Variants in USP36 observed in about 807,000 individuals in gnomAD.
USP36 encodes the protein ubiquitin carboxyl-terminal hydrolase 36.
A neutral mutation model predicts 111.5 loss-of-function variants in USP36; 59 were observed. That is an observed-to-expected ratio of 0.53 (90% CI 0.43 to 0.66). The LOEUF (loss-of-function observed/expected upper bound fraction) is 0.66. USP36 is among the 30% of genes least tolerant of loss of function. The probability of loss-of-function intolerance (pLI) is 0.00; values close to 1 mark genes in which losing one functional copy is unlikely to be tolerated. For synonymous variants in USP36, 628 were observed against 581.0 expected (o/e 1.08, Z -1.16); for missense variants, 1,488 against 1,468.0 (o/e 1.01, Z -0.22).
chr17:78,788,109 G>A (rs754486964), intron 3 of USP36, among the ~76,000 whole-genome samples: 4 of 152,106 alleles, frequency 2.6e-5, no homozygotes, highest in East Asian at 1.9e-4. Flanking sequence ...CTCAGGAAGC[G>A]AGTACATGAA....
intron 15 of USP36, among the ~76,000 whole-genome samples, chr17:78,804,805 ATGTG>A (rs1471235998): frequency 6.6e-6 from 1 of 152,122 alleles, no homozygotes; most frequent in Non-Finnish European, 1.5e-5. Context: ...TTTAATACAA[ATGTG>A]TTAAGGGAGG....
chr17:78,841,401 C>T (rs1413937242), upstream of USP36: 8 of 152,326 alleles, frequency 5.3e-5, no homozygotes, highest in Non-Finnish European at 1.0e-4. Context: ...AGCGATCGGC[C>T]AAAGCCTGGG....
chr17:78,830,156 C>T (rs2067955570), intron 4 of USP36, among the ~76,000 whole-genome samples: 1 of 152,232 alleles, frequency 6.6e-6, no homozygotes, highest in African/African-American at 2.4e-5. Flanking sequence ...TCAAAGTCAC[C>T]ACTATCCTGA....
At chr17:78,793,423 C>T (rs1598953428), downstream of USP36, among the ~76,000 whole-genome samples, 1 of 152,154 alleles carries the variant, frequency 6.6e-6, no homozygotes, top group South Asian at 2.1e-4. Flanking sequence ...CCCTGAAAGC[C>T]GAATCCATGG....
chr17:78,818,875 G>T (rs374434340), intron 9 of USP36, 97 bp from the exon 10 acceptor site: 7 of 1,215,624 alleles, frequency 5.8e-6, no homozygotes, highest in Middle Eastern at 1.9e-4. Context: ...CAACTGCTCT[G>T]TAATAGTGGA....
intron 4 of USP36, among the ~76,000 whole-genome samples, chr17:78,831,054 G>C (rs974185619): frequency 6.6e-6 from 1 of 150,814 alleles, no homozygotes; most frequent in African/African-American, 2.4e-5. Flanking sequence ...GTGAAACCCC[G>C]TCTCTACTAC....
chr17:78,799,155 GAGA>G (rs1410504005), intron 18 of USP36, 132 bp from the exon 19 acceptor site: 4 of 887,204 alleles, frequency 4.5e-6, no homozygotes, highest in Non-Finnish European at 7.2e-6. Flanking sequence ...TTGTGGTGAA[GAGA>G]AGGACAAGAG....
chr17:78,818,801 G>T, intron 9 of USP36, 23 bp from the exon 10 acceptor site: 1 of 1,611,430 alleles, frequency 6.2e-7, no homozygotes, highest in South Asian at 1.1e-5. Flanking sequence ...TGATGAGAAA[G>T]ATTAATGAAT....
rs1295694826 is a variant in USP36, at chr17:78,796,565, G to T, written c.*1335C>A. The T allele has an allele frequency of 6.6e-6, 1 of 152,134 alleles. No homozygotes were observed. Among genetic ancestry groups the T allele is most frequent in the Non-Finnish European group, 1.5e-5 (1 of 68,020 alleles). The allele number at this position is 152,134 out of a possible 1,614,324, so 9.4% of individuals were successfully genotyped here. A position where few individuals can be genotyped will look rare whatever the true frequency, so the allele number is the denominator to read the frequency against. Reference sequence around the variant, plus strand: ...CCCACCCACATGGAAAAAAATAAATGTATCTTCCCATATTAAAAAAGCAAT... The same window carrying T: ...CCCACCCACATGGAAAAAAATAAATTTATCTTCCCATATTAAAAAAGCAAT... On this transcript the variant is annotated 3_prime_UTR_variant, in exon 21 of 21. Coordinates refer to ENST00000449938, the MANE Select transcript of USP36 (RefSeq NM_001385174.1).
Position 78,828,906 on chromosome 17 carries a change from C to A in USP36, c.577G>T (p.Asp193Tyr). The A allele has an allele frequency of 6.2e-7, 1 of 1,614,098 alleles. No individual in the cohort carries two copies. The highest frequency in any genetic ancestry group is 8.5e-7 in the Non-Finnish European group (1 of 1,180,004). Reference sequence around the variant, plus strand: ...ATGGATTGATGCTTACTTTTCAGGTCTCGGATGAAGGAGACGGGCTTGATG... The same window carrying A: ...ATGGATTGATGCTTACTTTTCAGGTATCGGATGAAGGAGACGGGCTTGATG... The part of the protein sequence containing the change: ...NAIKPVSFIR[D>Y]LKKIARHFRF... Residue 193 changes from aspartate to tyrosine, a missense_variant, in exon 5 of 21, where the codon GAC becomes TAC. Transcript: ENST00000449938.
chr17:78,808,922 T>C (rs2093982816), intron 13 of USP36, among the ~76,000 whole-genome samples: 1 of 152,122 alleles, frequency 6.6e-6, no homozygotes, highest in Admixed American at 6.5e-5. Flanking sequence ...GAAATGGAAT[T>C]ACAAGGCTAA....
intron 4 of USP36, among the ~76,000 whole-genome samples, chr17:78,833,680 A>C (rs1431274994): frequency 6.6e-6 from 1 of 152,166 alleles, no homozygotes; most frequent in East Asian, 1.9e-4. Context: ...CCAGAATTCT[A>C]CTTAGAGATT....
rs375496662 is a variant in USP36, at chr17:78,798,378, C to T, written c.*20+22G>A. 63 of 1,612,446 alleles carry T rather than the reference C, an allele frequency of 3.9e-5. No individual in the cohort carries two copies. The highest frequency in any genetic ancestry group is 4.8e-5 in the Non-Finnish European group (57 of 1,179,796). ...CACACACACCCCCACCTCACCCTTA[C>T]ACCCACCCCCTCGGAACCGACCTCC... On this transcript the variant is annotated intron_variant, in intron 20 of 20. Transcript: ENST00000449938. This position sits in a 1 kb window ranked among gnomAD's most constrained non-coding sequence, Gnocchi z 5.1.
At chr17:78,813,407 C>T (rs1035282173) in intron 12 of USP36, among the ~76,000 whole-genome samples, 1 of 152,184 alleles carries the variant, frequency 6.6e-6, no homozygotes, top group African/African-American at 2.4e-5. Context: ...TGCAGCAGCA[C>T]CCCCACAAAC....
chr17:78,817,884 C>G (rs2094224661), intron 10 of USP36, among the ~76,000 whole-genome samples: 1 of 152,076 alleles, frequency 6.6e-6, no homozygotes, highest in East Asian at 1.9e-4. Context: ...AGTTTGAGAC[C>G]ACCCTGGGCA....
rs769076586 is a variant in USP36 at position 78,821,021 on chromosome 17, G to A, written c.798C>T (p.Asp266=). The change falls in exon 8 of 21, where the codon GAC becomes GAT. Residue 266 remains aspartate (D), a synonymous_variant. Coordinates refer to ENST00000449938, the MANE Select transcript of USP36 (RefSeq NM_001385174.1). ...SVCKSVSDTY[D]PYLDVALEIR... ...TCTCCAGCGCGACGTCCAAGTAGGG[G>A]TCGTAGGTGTCCGAGACGCTCTTGC... 1.9e-6 allele frequency: 3 copies of A among 1,608,702 alleles called. No individual in the cohort carries two copies. The highest frequency in any genetic ancestry group is 2.5e-6 in the Non-Finnish European group (3 of 1,177,562).
At chr17:78,817,050 A>G (rs1040507484) in intron 10 of USP36, among the ~76,000 whole-genome samples, 2 of 152,192 alleles carry the variant, frequency 1.3e-5, no homozygotes, top group East Asian at 1.9e-4. Flanking sequence ...CAGCGATCCC[A>G]TAAGATTATA....
intron 8 of USP36, 48 bp from the exon 9 acceptor site, chr17:78,820,060 G>A (rs531508350): frequency 6.3e-7 from 1 of 1,588,524 alleles, no homozygotes; most frequent in East Asian, 2.2e-5. Flanking sequence ...GAGGAAAAAG[G>A]CTGATTCAAG....
chr17:78,834,271 A>G (rs2068435660), intron 4 of USP36, among the ~76,000 whole-genome samples: 1 of 151,724 alleles, frequency 6.6e-6, no homozygotes, highest in South Asian at 2.1e-4. Flanking sequence ...CAGAAATAAC[A>G]TTGTCTCTGC....
Sources: allele counts gnomAD v4.1 joint callset (sites outside exome capture counted in the v4.1 genomes callset), GRCh38; gene constraint gnomAD v4.1.1; non-coding constraint Gnocchi (gnomAD v3.1); transcripts MANE v1.5; gene names NCBI Gene and HGNC (gene_info 2026-07-23, HGNC 2026-07-21).